The following GLIS3 variants were observed in gnomAD, a reference collection of about 807,000 sequenced individuals.
The protein encoded by GLIS3 is GLIS family zinc finger 3.
A neutral mutation model predicts 78.6 loss-of-function variants in GLIS3; 53 were observed. The observed-to-expected ratio is 0.67, with a 90% CI of 0.54 to 0.85. The LOEUF is 0.85. GLIS3 is among the 40% of genes least tolerant of loss of function. The probability of loss-of-function intolerance (pLI) is 0.00; values close to 1 mark genes in which losing one functional copy is unlikely to be tolerated. For missense variants in GLIS3, 1,703 were observed against 1,231.1 expected (o/e 1.38, Z -5.74); for synonymous variants, 684 against 509.9 (o/e 1.34, Z -4.60).
chr9:4,300,737 T>A (rs1817034047), upstream of GLIS3, among the ~76,000 whole-genome samples: 1 of 151,856 alleles, frequency 6.6e-6, no homozygotes, highest in African/African-American at 2.4e-5. Context: ...CCACCGCTTC[T>A]GCTTGTGTTG....
intron 2 of GLIS3, among the ~76,000 whole-genome samples, chr9:4,165,989 G>C (rs1176471901): frequency 2.6e-5 from 4 of 152,176 alleles, no homozygotes; most frequent in African/African-American, 9.7e-5. Context: ...GGGGAACAGA[G>C]CACAATATTT....
At chr9:4,425,040 A>G in the GLIS3 span, among the ~76,000 whole-genome samples, 2 of 152,152 alleles carry the variant, frequency 1.3e-5, no homozygotes, top group South Asian at 2.1e-4. Flanking sequence ...CTGTGCTGGC[A>G]TATGAACACA....
chr9:4,385,388 G>A, the GLIS3 span, among the ~76,000 whole-genome samples: 7 of 152,182 alleles, frequency 4.6e-5, no homozygotes, highest in African/African-American at 1.7e-4. Context: ...TCTTGGCCAG[G>A]CACAGTGGCT....
At chr9:4,401,287 T>G in the GLIS3 span, among the ~76,000 whole-genome samples, 2 of 152,148 alleles carry the variant, frequency 1.3e-5, no homozygotes, top group African/African-American at 4.8e-5. Flanking sequence ...GAGACAGAGT[T>G]TCACTCTTGT....
At chr9:4,332,365 A>T (rs1393318116) in intron 2 of GLIS3, among the ~76,000 whole-genome samples, 1 of 152,150 alleles carries the variant, frequency 6.6e-6, no homozygotes, top group African/African-American at 2.4e-5. Context: ...TGACAGAAGC[A>T]CCCAAGCTTT....
At chr9:3,965,888 C>G (rs1817901992) in intron 4 of GLIS3, among the ~76,000 whole-genome samples, 1 of 152,228 alleles carries the variant, frequency 6.6e-6, no homozygotes, top group South Asian at 2.1e-4. Context: ...CCTCACATAA[C>G]TATAACCACT....
intron 4 of GLIS3, among the ~76,000 whole-genome samples, chr9:4,100,728 G>T (rs993437150): frequency 6.0e-5 from 9 of 151,020 alleles, no homozygotes; most frequent in African/African-American, 2.0e-4. Context: ...ATAATATTGA[G>T]GGGGGGACAA....
intron 2 of GLIS3, among the ~76,000 whole-genome samples, chr9:4,317,872 T>A (rs993236948): frequency 2.0e-5 from 3 of 152,246 alleles, no homozygotes; most frequent in African/African-American, 7.2e-5. Context: ...GCCAAGCAGA[T>A]GGAAGTTATT....
At chr9:4,264,589 C>CT (rs1353019439) in intron 2 of GLIS3, among the ~76,000 whole-genome samples, 2 of 152,020 alleles carry the variant, frequency 1.3e-5, no homozygotes, top group Non-Finnish European at 2.9e-5. Context: ...AATGCACTTG[C>CT]TTTTTTTCTC....
chr9:4,236,658 G>A (rs1822781197), intron 2 of GLIS3, among the ~76,000 whole-genome samples: 1 of 152,256 alleles, frequency 6.6e-6, no homozygotes, highest in Non-Finnish European at 1.5e-5. Flanking sequence ...TACCGTCAAT[G>A]ACAAGGTTCC....
chr9:3,871,560 C>G (rs1445520016), intron 8 of GLIS3, among the ~76,000 whole-genome samples: 1 of 152,210 alleles, frequency 6.6e-6, no homozygotes, highest in East Asian at 1.9e-4. Flanking sequence ...TACCCGCAGG[C>G]TCAACACCAC....
intron 4 of GLIS3, among the ~76,000 whole-genome samples, chr9:3,994,450 A>G (rs560849802): frequency 2.3e-4 from 35 of 152,348 alleles, no homozygotes; most frequent in African/African-American, 8.4e-4. Context: ...TGGCAAGCGT[A>G]TGTCTTCTTT....
At chr9:3,828,578 A>G (rs748990044) in intron 10 of GLIS3, among the ~76,000 whole-genome samples, 170 bp from the exon 11 acceptor site, 11 of 152,212 alleles carry the variant, frequency 7.2e-5, no homozygotes, top group Non-Finnish European at 1.6e-4. Flanking sequence ...TAGTGAGGGA[A>G]GAGGCTGACT....
intron 8 of GLIS3, among the ~76,000 whole-genome samples, chr9:3,875,410 G>C (rs1171730488): frequency 6.6e-6 from 1 of 151,874 alleles, no homozygotes; most frequent in Admixed American, 6.6e-5. Flanking sequence ...GACCTTTCCT[G>C]ACTTCTGACA....
At chr9:3,940,079 T>C (rs1352733819) in intron 4 of GLIS3, among the ~76,000 whole-genome samples, 2 of 152,238 alleles carry the variant, frequency 1.3e-5, no homozygotes, top group Non-Finnish European at 2.9e-5. Context: ...TCATATATTA[T>C]GGGAATAACC....
chr9:4,003,024 A>G (rs1821243140), intron 4 of GLIS3, among the ~76,000 whole-genome samples: 1 of 152,214 alleles, frequency 6.6e-6, no homozygotes, highest in African/African-American at 2.4e-5. Flanking sequence ...AATCCACTGT[A>G]GTATGGTTTG....
chr9:4,077,755 T>TC (rs1025969860), intron 4 of GLIS3, among the ~76,000 whole-genome samples: 1 of 152,164 alleles, frequency 6.6e-6, no homozygotes, highest in Non-Finnish European at 1.5e-5. Context: ...TCAGCGTCCC[T>TC]CCACTAAAGG....
At position 4,141,030 on chromosome 9, in the gene GLIS3, C is replaced by G. The variant is rs111342845; in HGVS notation, c.389-15089G>C. On this transcript the variant is annotated intron_variant, in intron 2 of 10. Coordinates refer to ENST00000381971, the MANE Select transcript of GLIS3 (RefSeq NM_001042413.2). ...GGACAGGCTGGTCTCGAACTCCTCACCTCAGGTGATCCACCCTCCTCGTCC... is the reference window on the plus strand; with the variant it reads ...GGACAGGCTGGTCTCGAACTCCTCAGCTCAGGTGATCCACCCTCCTCGTCC... Among the ~76,000 whole-genome samples, 517 of 152,282 alleles carry G rather than the reference C, an allele frequency of 3.4e-3. 3 individuals carry two copies. Among genetic ancestry groups the G allele is most frequent in the African/African-American group, 0.012 (493 of 41,552 alleles).
chr9:4,449,557 C>A, the GLIS3 span, among the ~76,000 whole-genome samples: 4 of 152,212 alleles, frequency 2.6e-5, no homozygotes, highest in Admixed American at 1.3e-4. Context: ...AACTGGGAGA[C>A]ATCTCCCAGT....
Sources: allele counts gnomAD v4.1 joint callset (sites outside exome capture counted in the v4.1 genomes callset), GRCh38; gene constraint gnomAD v4.1.1; transcripts MANE v1.5; gene names NCBI Gene and HGNC (gene_info 2026-07-23, HGNC 2026-07-21).